The following BRINP1 variants were observed in gnomAD, a reference collection of about 807,000 sequenced individuals.
BRINP1 encodes BMP/retinoic acid inducible neural specific 1, also known as BMP/retinoic acid-inducible neural-specific protein 1.
BRINP1 carries 17 observed loss-of-function variants against 72.9 expected under a neutral mutation model. The observed-to-expected ratio is 0.23, with a 90% CI of 0.16 to 0.35. BRINP1 has a LOEUF of 0.35. Among genes scored for constraint, BRINP1 ranks in the 10% least tolerant of loss-of-function variants. The pLI is 1.00. For missense variants in BRINP1, 850 were observed against 1,001.6 expected (o/e 0.85, Z 2.04); for synonymous variants, 418 against 378.5 (o/e 1.10, Z -1.21).
intron 5 of BRINP1, among the ~76,000 whole-genome samples, chr9:119,216,627 G>A (rs1829981073): frequency 6.6e-6 from 1 of 152,092 alleles, no homozygotes; most frequent in Non-Finnish European, 1.5e-5. Context: ...TCCCCCATAG[G>A]CAACTGGGTG....
intron 2 of BRINP1, among the ~76,000 whole-genome samples, chr9:119,270,156 A>G (rs934020838): frequency 6.6e-6 from 1 of 152,012 alleles, no homozygotes; most frequent in African/African-American, 2.4e-5. Context: ...AGGAAACCTG[A>G]TAACTAGAGA....
intron 7 of BRINP1, among the ~76,000 whole-genome samples, chr9:119,205,144 C>T (rs953105400): frequency 6.6e-6 from 1 of 152,188 alleles, no homozygotes; most frequent in Non-Finnish European, 1.5e-5. Flanking sequence ...GAGAAATACT[C>T]ATTAAAGCCT....
chr9:119,310,736 T>C (rs1831053383), intron 2 of BRINP1, among the ~76,000 whole-genome samples: 1 of 152,112 alleles, frequency 6.6e-6, no homozygotes, highest in Non-Finnish European at 1.5e-5. Context: ...GATGAAAATG[T>C]CAAGTTTGTA....
At chr9:119,358,894 C>G (rs1201589292) in intron 1 of BRINP1, among the ~76,000 whole-genome samples, 1 of 152,240 alleles carries the variant, frequency 6.6e-6, no homozygotes, top group Non-Finnish European at 1.5e-5. Flanking sequence ...TTCTCACTCT[C>G]TCCTCTAATC....
At chr9:119,297,400 G>A (rs1830891938) in intron 2 of BRINP1, among the ~76,000 whole-genome samples, 1 of 152,074 alleles carries the variant, frequency 6.6e-6, no homozygotes, top group Admixed American at 6.5e-5. Context: ...CACAGACTGT[G>A]GAACCAGATT....
chr9:119,368,839 C>T lies in BRINP1; in HGVS notation c.-51+217G>A, dbSNP rs1308663209. On this transcript the variant is annotated intron_variant, in intron 1 of 7. Transcript: ENST00000265922. The surrounding 1 kb of genome is among the most constrained non-coding windows in gnomAD (Gnocchi z 4.7). ...GGAGCGCGCGGGGACACACACGCCA[C>T]TCACTCAAACCCGCAATTAGCCCTT... is the stretch of plus-strand genomic sequence containing the variant. Among the ~76,000 whole-genome samples, 1 of 152,070 alleles carries T rather than the reference C, an allele frequency of 6.6e-6. No homozygotes were observed. Among genetic ancestry groups the T allele is most frequent in the African/African-American group, 2.4e-5 (1 of 41,420 alleles).
intron 6 of BRINP1, among the ~76,000 whole-genome samples, chr9:119,210,499 A>C (rs1829911395): frequency 1.3e-5 from 2 of 152,314 alleles, no homozygotes; most frequent in South Asian, 4.1e-4. Context: ...TTTAAAGAAA[A>C]TAGGGCACAG....
At chr9:119,170,113 G>C (rs562249162) in intron 7 of BRINP1, among the ~76,000 whole-genome samples, 5 of 151,974 alleles carry the variant, frequency 3.3e-5, no homozygotes, top group African/African-American at 7.3e-5. Context: ...CACCAGCAAC[G>C]GAACAAAGCT....
chr9:119,182,692 G>A (rs1243967760), intron 7 of BRINP1, among the ~76,000 whole-genome samples: 2 of 152,110 alleles, frequency 1.3e-5, no homozygotes, highest in South Asian at 2.1e-4. Context: ...CCTTGATCTC[G>A]GACTTCCCAA....
At chr9:119,217,081 T>C (rs1432406466) in intron 5 of BRINP1, among the ~76,000 whole-genome samples, 1 of 152,166 alleles carries the variant, frequency 6.6e-6, no homozygotes, top group Admixed American at 6.5e-5. Context: ...TACATAACCA[T>C]TTCTACGGCA....
chr9:119,358,430 A>C (rs1450865314), intron 1 of BRINP1, among the ~76,000 whole-genome samples: 1 of 149,728 alleles, frequency 6.7e-6, no homozygotes, highest in Non-Finnish European at 1.5e-5. Context: ...ATAGTGGCTC[A>C]TGCCTGTAAT....
At chr9:119,209,016 T>A in intron 6 of BRINP1, 75 bp from the exon 7 acceptor site, 1 of 1,232,332 alleles carries the variant, frequency 8.1e-7, no homozygotes, top group Non-Finnish European at 1.2e-6. Flanking sequence ...GAATGCTTAG[T>A]GTCACTTTCC....
intron 5 of BRINP1, among the ~76,000 whole-genome samples, chr9:119,225,615 C>T (rs1376580947): frequency 6.6e-6 from 1 of 151,870 alleles, no homozygotes; most frequent in East Asian, 1.9e-4. Context: ...AAGCCACAGA[C>T]CCAGAACCCA....
At chr9:119,186,496 A>G (rs1829622053) in intron 7 of BRINP1, among the ~76,000 whole-genome samples, 1 of 152,142 alleles carries the variant, frequency 6.6e-6, no homozygotes, top group African/African-American at 2.4e-5. Context: ...GCCCAGCAGA[A>G]AAGCCATGCC....
chr9:119,236,379 A>T (rs1830191659), intron 5 of BRINP1, among the ~76,000 whole-genome samples: 1 of 152,164 alleles, frequency 6.6e-6, no homozygotes, highest in Admixed American at 6.6e-5. Flanking sequence ...TGTTTTATTT[A>T]AAAAATAAAT....
At chr9:119,222,052 C>T (rs1830046333) in intron 5 of BRINP1, among the ~76,000 whole-genome samples, 1 of 152,092 alleles carries the variant, frequency 6.6e-6, no homozygotes, top group Non-Finnish European at 1.5e-5. Flanking sequence ...CATGTTTTGG[C>T]CAATGAAATA....
In BRINP1 at chr9:119,242,118, A is replaced by T; in HGVS notation, c.508T>A (p.Ser170Thr). 6.2e-7 allele frequency: 1 copy of T among 1,614,116 alleles called. No homozygotes were observed. The highest frequency in any genetic ancestry group is 8.5e-7 in the Non-Finnish European group (1 of 1,180,020). ...SVEALHQLASSYFVDRDGTMR... is the reference protein window; with the variant it reads ...SVEALHQLASTYFVDRDGTMR... ...GTACCATCACGGTCAACAAAGTAGG[A>T]TGATGCGAGCTGGTGCAGAGCTTCA... The change falls in exon 4 of 8, where the codon TCC (serine) becomes ACC (threonine). Residue 170 changes from serine to threonine, a missense_variant. By Grantham distance (58) the Ser-to-Thr change is moderately conservative. Coordinates refer to ENST00000265922, the MANE Select transcript of BRINP1 (RefSeq NM_014618.3).
intron 5 of BRINP1, among the ~76,000 whole-genome samples, chr9:119,231,481 C>G (rs1393883097): frequency 6.6e-6 from 1 of 152,090 alleles, no homozygotes; most frequent in East Asian, 1.9e-4. Context: ...AAAAATATCA[C>G]TTTACTCCTG....
At chr9:119,230,638 A>G (rs1293729930) in intron 5 of BRINP1, among the ~76,000 whole-genome samples, 1 of 151,996 alleles carries the variant, frequency 6.6e-6, no homozygotes, top group African/African-American at 2.4e-5. Context: ...GAAATCTTCT[A>G]GTCTAGAAGG....
Sources: allele counts gnomAD v4.1 joint callset (sites outside exome capture counted in the v4.1 genomes callset), GRCh38; gene constraint gnomAD v4.1.1; non-coding constraint Gnocchi (gnomAD v3.1); transcripts MANE v1.5; gene names NCBI Gene and HGNC (gene_info 2026-07-23, HGNC 2026-07-21).